The following TMEM132C variants were observed in gnomAD, a reference collection of about 807,000 sequenced individuals.
TMEM132C encodes transmembrane protein 132C.
In TMEM132C, 29 loss-of-function variants were observed where a neutral mutation model predicts 61.4. That is an observed-to-expected ratio of 0.47 (90% CI 0.35 to 0.64). The LOEUF (loss-of-function observed/expected upper bound fraction) is 0.64, where lower values mean the gene tolerates loss of function less well. Among genes scored for constraint, TMEM132C ranks in the 30% least tolerant of loss-of-function variants. The pLI is 0.00. For synonymous variants in TMEM132C, 656 were observed against 633.1 expected (o/e 1.04, Z -0.54); for missense variants, 1,408 against 1,476.9 (o/e 0.95, Z 0.76).
At chr12:128,686,854 GAGGAAGCA>G (rs1288222372) in intron 5 of TMEM132C, among the ~76,000 whole-genome samples, 2 of 152,302 alleles carry the variant, frequency 1.3e-5, no homozygotes, top group Admixed American at 6.5e-5. Flanking sequence ...AATCTAGAGA[GAGGAAGCA>G]AGGAAGAGGG....
At chr12:128,358,094 A>C (rs930840225) in intron 1 of TMEM132C, among the ~76,000 whole-genome samples, 3 of 151,990 alleles carry the variant, frequency 2.0e-5, no homozygotes, top group Non-Finnish European at 4.4e-5. Flanking sequence ...CGAGGTTTGA[A>C]TCCCCTCTGG....
chr12:128,700,575 C>G (rs1954796914), intron 8 of TMEM132C, among the ~76,000 whole-genome samples: 1 of 152,162 alleles, frequency 6.6e-6, no homozygotes, highest in Admixed American at 6.5e-5. Context: ...AGTCTTTTAT[C>G]TCACCCCTTA....
chr12:128,514,579 A>G (rs1038312630), intron 2 of TMEM132C, among the ~76,000 whole-genome samples: 15 of 152,078 alleles, frequency 9.9e-5, no homozygotes, highest in Non-Finnish European at 4.4e-5. Context: ...CAAAGTTCTG[A>G]TTTGACCCCA....
chr12:128,640,579 C>T (rs1386037977), intron 4 of TMEM132C, among the ~76,000 whole-genome samples: 1 of 152,138 alleles, frequency 6.6e-6, no homozygotes, highest in African/African-American at 2.4e-5. Context: ...TGAGAATCTA[C>T]TAAAAACCAT....
intron 2 of TMEM132C, among the ~76,000 whole-genome samples, chr12:128,433,438 G>T (rs775525922): frequency 1.8e-4 from 27 of 152,188 alleles, no homozygotes; most frequent in Non-Finnish European, 3.4e-4. Flanking sequence ...GCTTGATGCT[G>T]CCCAATTCAT....
At chr12:128,491,832 C>A (rs1448125134) in intron 2 of TMEM132C, among the ~76,000 whole-genome samples, 1 of 150,766 alleles carries the variant, frequency 6.6e-6, no homozygotes, top group African/African-American at 2.4e-5. Flanking sequence ...TTGCCAGTGA[C>A]CTTTTTGGCT....
Position 128,539,604 on chromosome 12 carries a change from CA to C in TMEM132C, c.975-4351del, listed in dbSNP as rs1873664172. Among the ~76,000 whole-genome samples the C allele has an allele frequency of 2.0e-5, 3 of 152,114 alleles. No homozygotes were observed. In the South Asian group the frequency reaches 6.2e-4, roughly 32 times the overall value. ...TTGCACTCCAGCCTGGGTGACAGAG[CA>C]AGACTCTGTCTCAAAAAACAAATGA... is the stretch of plus-strand genomic sequence containing the variant. On this transcript the variant is annotated intron_variant, in intron 2 of 8. Transcript: ENST00000435159.
At chr12:128,443,160 G>A (rs755767642) in intron 2 of TMEM132C, among the ~76,000 whole-genome samples, 21 of 151,920 alleles carry the variant, frequency 1.4e-4, no homozygotes, top group Non-Finnish European at 1.2e-4. Context: ...GAGAGAGAGA[G>A]ACAGAGAAGC....
intron 3 of TMEM132C, among the ~76,000 whole-genome samples, chr12:128,577,292 G>A (rs1875147628): frequency 6.6e-6 from 1 of 152,200 alleles, no homozygotes; most frequent in African/African-American, 2.4e-5. Context: ...ATATTCCATT[G>A]TATGGGTACA....
chr12:128,592,701 G>A (rs1486369907), intron 3 of TMEM132C, among the ~76,000 whole-genome samples: 1 of 152,222 alleles, frequency 6.6e-6, no homozygotes, highest in Non-Finnish European at 1.5e-5. Flanking sequence ...ACGGGCTTAG[G>A]GGATGGGGAG....
chr12:128,591,549 G>GAAAC (rs1346336319), intron 3 of TMEM132C, among the ~76,000 whole-genome samples: 1 of 152,128 alleles, frequency 6.6e-6, no homozygotes, highest in Non-Finnish European at 1.5e-5. Context: ...AATGCTGCTA[G>GAAAC]AAACATCCTT....
intron 4 of TMEM132C, among the ~76,000 whole-genome samples, chr12:128,649,725 A>G (rs564144109): frequency 2.4e-4 from 37 of 152,360 alleles, no homozygotes; most frequent in Non-Finnish European, 4.0e-4. Flanking sequence ...TTCTCAGGCA[A>G]GTTGGTGCCA....
chr12:128,415,257 G>A lies in TMEM132C; in HGVS notation c.611G>A (p.Trp204Ter). The A allele has an allele frequency of 6.2e-7, 1 of 1,605,738 alleles. No individual in the cohort carries two copies. Among genetic ancestry groups the A allele is most frequent in the Non-Finnish European group, 8.5e-7 (1 of 1,176,124 alleles). ...GCTGAGCTGGAGCTCCTGTCCAGCTGGTTCAGTGCCCCGACGGTGGGTGCC... is the reference window on the plus strand; with the variant it reads ...GCTGAGCTGGAGCTCCTGTCCAGCTAGTTCAGTGCCCCGACGGTGGGTGCC... ...CVAELELLSSWFSAPTVGAGR... is the reference protein window; with the variant it reads ...CVAELELLSS The change falls in exon 2 of 9, where the codon TGG becomes TAG. Residue 204 changes from tryptophan to a stop codon, truncating the protein, a stop_gained. Transcript: ENST00000435159. LOFTEE classifies it high-confidence loss of function. This position sits in a 1 kb window ranked among gnomAD's most constrained non-coding sequence, Gnocchi z 5.8.
In TMEM132C at chr12:128,414,795, C is replaced by G; in HGVS notation, c.149C>G (p.Pro50Arg). 6.5e-7 allele frequency: 1 copy of G among 1,541,572 alleles called. No individual in the cohort carries two copies. The highest frequency in any genetic ancestry group is 8.7e-7 in the Non-Finnish European group (1 of 1,146,926). Residue 50 changes from proline to arginine, a missense_variant, in exon 2 of 9, where the codon CCT becomes CGT. Pro to Arg is a moderately radical substitution (Grantham distance 103). Coordinates refer to ENST00000435159, the MANE Select transcript of TMEM132C (RefSeq NM_001136103.3). The part of the protein sequence containing the change: ...QRFSSLPPYL[P>R]VSYHILRAET... ...TTCTCCTCACTGCCACCTTACCTAC[C>G]TGTGAGCTACCACATCCTCAGAGCA...
At chr12:128,473,336 CAGCCTCCT>C (rs1871028573) in intron 2 of TMEM132C, among the ~76,000 whole-genome samples, 3 of 152,142 alleles carry the variant, frequency 2.0e-5, no homozygotes, top group South Asian at 2.1e-4. Context: ...ATCTTCAGTC[CAGCCTCCT>C]TCTTCATCTT....
chr12:128,362,039 C>T (rs966886912), intron 1 of TMEM132C, among the ~76,000 whole-genome samples: 3 of 151,444 alleles, frequency 2.0e-5, no homozygotes, highest in Non-Finnish European at 4.4e-5. Flanking sequence ...TGGATTTCTC[C>T]AGGAGAGGAA....
intron 1 of TMEM132C, among the ~76,000 whole-genome samples, chr12:128,398,431 G>A (rs1439335054): frequency 3.9e-5 from 6 of 152,240 alleles, no homozygotes; most frequent in Non-Finnish European, 5.9e-5. Flanking sequence ...TCATAAGGGT[G>A]AACCTTTGTA....
chr12:128,501,391 G>A (rs1451729994), intron 2 of TMEM132C, among the ~76,000 whole-genome samples: 1 of 152,120 alleles, frequency 6.6e-6, no homozygotes, highest in Non-Finnish European at 1.5e-5. Context: ...CCATCCACCT[G>A]CATCCCTATG....
At chr12:128,361,233 A>G (rs1873700055) in intron 1 of TMEM132C, among the ~76,000 whole-genome samples, 1 of 152,208 alleles carries the variant, frequency 6.6e-6, no homozygotes, top group South Asian at 2.1e-4. Flanking sequence ...TCTGTCTTCA[A>G]AGCTGTGTTG....
Sources: allele counts gnomAD v4.1 joint callset (sites outside exome capture counted in the v4.1 genomes callset), GRCh38; gene constraint gnomAD v4.1.1; non-coding constraint Gnocchi (gnomAD v3.1); transcripts MANE v1.5; gene names NCBI Gene and HGNC (gene_info 2026-07-23, HGNC 2026-07-21).